Variants in DSCAM observed in about 807,000 individuals in gnomAD.
DSCAM encodes the protein DS cell adhesion molecule, also known as cell adhesion molecule DSCAM.
DSCAM carries 47 observed loss-of-function variants against 217.7 expected under a neutral mutation model. That is an observed-to-expected ratio of 0.22 (90% CI 0.17 to 0.28). DSCAM has a LOEUF of 0.28. DSCAM is among the 10% of genes least tolerant of loss of function. The probability of loss-of-function intolerance (pLI) is 1.00; values close to 1 mark genes in which losing one functional copy is unlikely to be tolerated. For missense variants in DSCAM, 2,080 were observed against 2,618.3 expected, an observed-to-expected ratio of 0.79 and a Z score of 4.49; for synonymous variants, 1,056 against 1,015.3, an observed-to-expected ratio of 1.04 and a Z score of -0.76.
chr21:40,447,765 T>A (rs895661417), intron 3 of DSCAM, among the ~76,000 whole-genome samples: 2 of 152,214 alleles, frequency 1.3e-5, no homozygotes, highest in African/African-American at 2.4e-5. Flanking sequence ...GACATTAATT[T>A]TTTTCTCCTA....
intron 3 of DSCAM, among the ~76,000 whole-genome samples, chr21:40,376,268 C>A (rs902869124): frequency 6.6e-6 from 1 of 151,796 alleles, no homozygotes; most frequent in Admixed American, 6.6e-5. Context: ...TTCTTCAAAG[C>A]CGTTTCAATA....
At chr21:40,699,295 G>A (rs12482911) in intron 2 of DSCAM, among the ~76,000 whole-genome samples, 59,710 of 151,926 alleles carry the variant, frequency 0.39, 13,570 homozygotes, top group African/African-American at 0.64. Flanking sequence ...GCCATTTTCC[G>A]TCTTTCTCCC....
intron 19 of DSCAM, among the ~76,000 whole-genome samples, chr21:40,126,992 G>T (rs1454340468): frequency 1.3e-5 from 2 of 152,208 alleles, no homozygotes; most frequent in Non-Finnish European, 2.9e-5. Flanking sequence ...GTGGGCCCTG[G>T]AGCCTCACTG....
chr21:40,522,642 A>T (rs1039637163), intron 3 of DSCAM, among the ~76,000 whole-genome samples: 11 of 152,190 alleles, frequency 7.2e-5, no homozygotes, highest in African/African-American at 2.4e-4. Flanking sequence ...TTGAAAGGGA[A>T]ACAGAATTGA....
intron 11 of DSCAM, among the ~76,000 whole-genome samples, chr21:40,210,371 G>C (rs1180295934): frequency 6.6e-6 from 1 of 152,132 alleles, no homozygotes; most frequent in African/African-American, 2.4e-5. Flanking sequence ...CAAAGCTAAA[G>C]TTTTGCAATA....
intron 3 of DSCAM, among the ~76,000 whole-genome samples, chr21:40,583,943 G>A (rs1489664314): frequency 6.8e-6 from 1 of 146,896 alleles, no homozygotes; most frequent in Non-Finnish European, 1.5e-5. Context: ...AAGGATCAAA[G>A]TGAGTAAAAT....
intron 9 of DSCAM, among the ~76,000 whole-genome samples, chr21:40,309,693 T>A (rs887215177): frequency 6.6e-6 from 1 of 152,208 alleles, no homozygotes; most frequent in Non-Finnish European, 1.5e-5. Context: ...TTCTTCTTTA[T>A]CTCATTTGCA....
intron 13 of DSCAM, 99 bp downstream of exon 13, chr21:40,187,792 T>G (rs1037155904): frequency 9.3e-7 from 1 of 1,071,420 alleles, no homozygotes; most frequent in African/African-American, 1.6e-5. Context: ...TTAGGAAGTG[T>G]TACATGGCAA....
At chr21:40,511,835 C>CA (rs1342421154) in intron 3 of DSCAM, among the ~76,000 whole-genome samples, 9 of 151,114 alleles carry the variant, frequency 6.0e-5, no homozygotes, top group Non-Finnish European at 1.0e-4. Context: ...ATTAAAAATA[C>CA]AAAAAATTAG....
chr21:40,216,478 C>T (rs1439044633), intron 11 of DSCAM, among the ~76,000 whole-genome samples: 1 of 152,038 alleles, frequency 6.6e-6, no homozygotes, highest in Non-Finnish European at 1.5e-5. Flanking sequence ...CTTTTAAAAA[C>T]CTCTAGAGGC....
intron 1 of DSCAM, among the ~76,000 whole-genome samples, chr21:40,811,233 T>C (rs544532809): frequency 4.6e-5 from 7 of 152,272 alleles, no homozygotes; most frequent in Non-Finnish European, 1.0e-4. Context: ...AGAGCCTCCA[T>C]GTGATATTTA....
intron 3 of DSCAM, among the ~76,000 whole-genome samples, chr21:40,649,175 A>G (rs1397179167): frequency 6.6e-6 from 1 of 152,222 alleles, no homozygotes; most frequent in Admixed American, 6.5e-5. Context: ...GCTGGGCATC[A>G]CCCAGAAGCC....
chr21:40,625,889 C>T (rs924023228), intron 3 of DSCAM, among the ~76,000 whole-genome samples: 7 of 152,154 alleles, frequency 4.6e-5, no homozygotes, highest in South Asian at 2.1e-4. Context: ...TTCCTCCTCT[C>T]GGGAAATGGG....
At chr21:40,151,205 C>T (rs924675699) in intron 16 of DSCAM, among the ~76,000 whole-genome samples, 3 of 152,072 alleles carry the variant, frequency 2.0e-5, no homozygotes, top group African/African-American at 7.2e-5. Context: ...TTACATATTC[C>T]CACCTTATAA....
chr21:40,816,589 A>T (rs1225797636), intron 1 of DSCAM, among the ~76,000 whole-genome samples: 1 of 152,140 alleles, frequency 6.6e-6, no homozygotes, highest in Non-Finnish European at 1.5e-5. Context: ...TAAAAACAAC[A>T]ACAAAAACCA....
intron 7 of DSCAM, 30 bp downstream of exon 7, chr21:40,339,089 G>GTT (rs3215894): frequency 6.2e-7 from 1 of 1,610,824 alleles, no homozygotes; most frequent in Non-Finnish European, 8.5e-7. Flanking sequence ...AGTTATGTGT[G>GTT]TTTTTTTGAG....
At chr21:40,335,312 TATG>T (rs1470682931) in intron 8 of DSCAM, among the ~76,000 whole-genome samples, 3 of 152,208 alleles carry the variant, frequency 2.0e-5, no homozygotes, top group Admixed American at 1.3e-4. Context: ...TTTTATACTA[TATG>T]ATAAGTATTC....
At chr21:40,127,829 C>T (rs1330135848) in intron 19 of DSCAM, among the ~76,000 whole-genome samples, 1 of 152,146 alleles carries the variant, frequency 6.6e-6, no homozygotes. Flanking sequence ...AGCAGTTGGG[C>T]TCTCCCCCTG....
At chr21:40,843,489 G>A (rs2092119252) in intron 1 of DSCAM, among the ~76,000 whole-genome samples, 2 of 151,926 alleles carry the variant, frequency 1.3e-5, no homozygotes, top group South Asian at 4.2e-4. Context: ...TTTGTCTGAA[G>A]GCCTGGCTCT....
Sources: allele counts gnomAD v4.1 joint callset (sites outside exome capture counted in the v4.1 genomes callset), GRCh38; gene constraint gnomAD v4.1.1; transcripts MANE v1.5; gene names NCBI Gene and HGNC (gene_info 2026-07-23, HGNC 2026-07-21).